Variants in MSRB3 observed in about 807,000 individuals in gnomAD.
MSRB3 encodes the protein methionine-R-sulfoxide reductase B3.
MSRB3 carries 13 observed loss-of-function variants against 21.0 expected under a neutral mutation model. That is an observed-to-expected ratio of 0.62 (90% CI 0.40 to 0.98). The LOEUF is 0.98. MSRB3 is among the 50% of genes least tolerant of loss of function. MSRB3 has a pLI of 0.00. For missense variants in MSRB3, 199 were observed against 230.3 expected (o/e 0.86, Z 0.88); for synonymous variants, 87 against 88.6 (o/e 0.98, Z 0.10).
intron 5 of MSRB3, among the ~76,000 whole-genome samples, chr12:65,440,627 G>C (rs1215544496): frequency 3.3e-5 from 5 of 151,784 alleles, no homozygotes; most frequent in Non-Finnish European, 7.4e-5. Flanking sequence ...TATGTTTGTG[G>C]ATGCTGACTA....
chr12:65,280,854 A>G (rs1871973812), intron 1 of MSRB3, among the ~76,000 whole-genome samples: 1 of 152,206 alleles, frequency 6.6e-6, no homozygotes, highest in Non-Finnish European at 1.5e-5. Flanking sequence ...TATTTTGCTC[A>G]ACTCAAAAGA....
chr12:65,447,930 C>T (rs1247283060), intron 5 of MSRB3, among the ~76,000 whole-genome samples: 1 of 151,996 alleles, frequency 6.6e-6, no homozygotes, highest in Non-Finnish European at 1.5e-5. Flanking sequence ...AAGTCATAAT[C>T]CAAACAAAAA....
intron 4 of MSRB3, among the ~76,000 whole-genome samples, chr12:65,354,049 T>C (rs1391929617): frequency 6.6e-6 from 1 of 152,024 alleles, no homozygotes; most frequent in African/African-American, 2.4e-5. Flanking sequence ...TGTTGAATAT[T>C]GGCCCCCACT....
At chr12:65,379,518 T>C (rs1565864178) in intron 5 of MSRB3, among the ~76,000 whole-genome samples, 2 of 152,210 alleles carry the variant, frequency 1.3e-5, no homozygotes, top group Non-Finnish European at 2.9e-5. Context: ...TATAACTTTC[T>C]TCAGTCAGTC....
intron 5 of MSRB3, among the ~76,000 whole-genome samples, chr12:65,404,889 T>G (rs983689567): frequency 1.3e-5 from 2 of 152,112 alleles, no homozygotes; most frequent in African/African-American, 4.8e-5. Context: ...TTTTGTATAC[T>G]TTGCCCAACA....
intron 6 of MSRB3, among the ~76,000 whole-genome samples, chr12:65,457,026 C>CT (rs984661830): frequency 2.0e-5 from 3 of 151,820 alleles, no homozygotes; most frequent in African/African-American, 7.3e-5. Flanking sequence ...TCTCAGGCAT[C>CT]TTTTTTTACC....
rs1317905036 is a variant in MSRB3 at position 65,427,908 on chromosome 12, A to G, written c.293-25820A>G. Among the ~76,000 whole-genome samples the G allele has an allele frequency of 4.6e-5, 7 of 152,176 alleles. No homozygotes were observed. The South Asian group carries it at 6.2e-4, about 14-fold the overall frequency. On this transcript the variant is annotated intron_variant, in intron 5 of 6. Transcript: ENST00000308259. ...ACAAATTAGCTTGCTAGTAAGCTCCAGTGTCTGAAATGCTCCAGTGTCTGA... is the reference window on the plus strand; with the variant it reads ...ACAAATTAGCTTGCTAGTAAGCTCCGGTGTCTGAAATGCTCCAGTGTCTGA...
chr12:65,454,204 C>A (rs1048374758), intron 6 of MSRB3: 7 of 455,596 alleles, frequency 1.5e-5, no homozygotes, highest in Middle Eastern at 6.1e-4. Flanking sequence ...AGGAGAATCA[C>A]TGGAGCCCAG....
chr12:65,461,817 ACCTAAATCTTGACTCTTC>A (rs1325279242), intron 6 of MSRB3, among the ~76,000 whole-genome samples: 1 of 152,102 alleles, frequency 6.6e-6, no homozygotes, highest in Non-Finnish European at 1.5e-5. Context: ...TCATACTCTT[ACCTAAATCTTGACTCTTC>A]CCTCTTCTCG....
chr12:65,368,186 A>G (rs1878121406), intron 4 of MSRB3, among the ~76,000 whole-genome samples: 1 of 152,204 alleles, frequency 6.6e-6, no homozygotes, highest in Non-Finnish European at 1.5e-5. Flanking sequence ...TTGTCTGTCA[A>G]TGTAACATCC....
At chr12:65,431,935 G>A (rs1186661149) in intron 5 of MSRB3, among the ~76,000 whole-genome samples, 1 of 152,022 alleles carries the variant, frequency 6.6e-6, no homozygotes, top group African/African-American at 2.4e-5. Context: ...TGTAAGGCTA[G>A]TAGAATATTG....
chr12:65,288,079 C>T (rs1176043578), intron 1 of MSRB3, among the ~76,000 whole-genome samples: 4 of 151,758 alleles, frequency 2.6e-5, no homozygotes, highest in African/African-American at 4.8e-5. Context: ...CTGAGTCGGG[C>T]GGATCACGAG....
chr12:65,340,123 T>C (rs1673663988), intron 4 of MSRB3, among the ~76,000 whole-genome samples: 1 of 152,018 alleles, frequency 6.6e-6, no homozygotes, highest in African/African-American at 2.4e-5. Flanking sequence ...TCCAAGAAAA[T>C]AGATGACAAG....
chr12:65,439,537 G>A (rs1407814845), intron 5 of MSRB3, among the ~76,000 whole-genome samples: 1 of 151,400 alleles, frequency 6.6e-6, no homozygotes, highest in African/African-American at 2.4e-5. Flanking sequence ...TGGCTACAAG[G>A]AAAATCTTAA....
At chr12:65,433,506 T>TG (rs1881978773) in intron 5 of MSRB3, among the ~76,000 whole-genome samples, 1 of 151,828 alleles carries the variant, frequency 6.6e-6, no homozygotes, top group Non-Finnish European at 1.5e-5. Flanking sequence ...CTGCAGTACC[T>TG]CACACCATCA....
chr12:65,312,122 C>T (rs1246234252), intron 2 of MSRB3, among the ~76,000 whole-genome samples: 1 of 151,992 alleles, frequency 6.6e-6, no homozygotes, highest in Non-Finnish European at 1.5e-5. Flanking sequence ...TTGAACAAAT[C>T]AATAAACTTC....
At chr12:65,426,292 C>G (rs569700113) in intron 5 of MSRB3, among the ~76,000 whole-genome samples, 2 of 152,212 alleles carry the variant, frequency 1.3e-5, no homozygotes, top group East Asian at 3.9e-4. Flanking sequence ...GTGTTTATCT[C>G]TTCTTTACTT....
intron 5 of MSRB3, among the ~76,000 whole-genome samples, chr12:65,374,848 T>C (rs1015404383): frequency 2.0e-5 from 3 of 152,076 alleles, no homozygotes; most frequent in Non-Finnish European, 4.4e-5. Flanking sequence ...TCTATAGCAA[T>C]CTTTCTTTCT....
chr12:65,416,372 G>T (rs578159077), intron 5 of MSRB3, among the ~76,000 whole-genome samples: 223 of 152,252 alleles, frequency 1.5e-3, no homozygotes, highest in African/African-American at 4.9e-3. Flanking sequence ...CTATCCATTA[G>T]GTACTGCAGG....
Sources: gnomAD v4.1 joint callset for allele counts (sites outside exome capture counted in the v4.1 genomes callset) on GRCh38, gnomAD v4.1.1 for gene constraint, MANE v1.5 for transcripts, NCBI Gene and HGNC (gene_info 2026-07-23, HGNC 2026-07-21) for gene names.